Variants in NBEA observed in about 807,000 individuals in gnomAD.
NBEA encodes the protein neurobeachin.
In NBEA, 44 loss-of-function variants were observed where a neutral mutation model predicts 343.4. That is an observed-to-expected ratio of 0.13 (90% CI 0.10 to 0.16). The LOEUF (loss-of-function observed/expected upper bound fraction) is 0.16, where lower values mean the gene tolerates loss of function less well. Among genes scored for constraint, NBEA ranks in the 10% least tolerant of loss-of-function variants. The pLI, the probability that NBEA is intolerant of heterozygous loss-of-function variation, is 1.00. For synonymous variants in NBEA, 1,175 were observed against 1,238.7 expected (o/e 0.95, Z 1.08); for missense variants, 2,555 against 3,631.3 (o/e 0.70, Z 7.62).
rs557068916 is a variant in NBEA, at chr13:35,101,877, T to C, written c.1680+3472T>C. Among the ~76,000 whole-genome samples the C allele has an allele frequency of 3.3e-5, 5 of 151,942 alleles. No homozygotes were observed. In the South Asian group the frequency reaches 1.0e-3, roughly 31 times the overall value. On this transcript the variant is annotated intron_variant, in intron 11 of 58. Transcript: ENST00000379939. ...TCTTCTTTGGTGTGACTTTTCACTC[T>C]CTTAATGGTGATTTTTGATAAACAA...
At chr13:35,037,800 A>G (rs2062503033) in intron 1 of NBEA, among the ~76,000 whole-genome samples, 2 of 152,152 alleles carry the variant, frequency 1.3e-5, no homozygotes, top group African/African-American at 4.8e-5. Flanking sequence ...ACCTGAAGCA[A>G]GCACAGTGCT....
At chr13:35,623,075 TTATC>T (rs2083065984) in intron 48 of NBEA, among the ~76,000 whole-genome samples, 1 of 152,182 alleles carries the variant, frequency 6.6e-6, no homozygotes, top group African/African-American at 2.4e-5. Flanking sequence ...GGGAATTGGT[TTATC>T]TAGGCTTAAC....
chr13:35,118,307 G>C lies in NBEA; in HGVS notation c.2145+17G>C. ...ATGCATGAGGTAGGACATGTTATGG[G>C]CCTTTTATTTTAATTATTTAAGCCA... On this transcript the variant is annotated intron_variant, in intron 15 of 58. Transcript: ENST00000379939. 6.4e-7 allele frequency: 1 copy of C among 1,563,742 alleles called. No homozygotes were observed. Among genetic ancestry groups the C allele is most frequent in the Non-Finnish European group, 8.7e-7 (1 of 1,151,996 alleles).
chr13:35,064,798 G>A (rs190077020), intron 8 of NBEA, among the ~76,000 whole-genome samples: 24 of 151,898 alleles, frequency 1.6e-4, no homozygotes, highest in African/African-American at 5.5e-4. Context: ...GAAGACACAG[G>A]AAAGAAAAGG....
chr13:35,142,674 A>T (rs1037417607), intron 18 of NBEA, among the ~76,000 whole-genome samples: 2 of 152,134 alleles, frequency 1.3e-5, no homozygotes, highest in African/African-American at 4.8e-5. Context: ...ATGTAGTATT[A>T]GTTCTGCTTC....
At chr13:35,214,676 CAA>C (rs1025978955) in intron 33 of NBEA, among the ~76,000 whole-genome samples, 2 of 151,588 alleles carry the variant, frequency 1.3e-5, no homozygotes, top group Non-Finnish European at 3.0e-5. Context: ...TTGTTAATAA[CAA>C]AAGTTTCTAA....
chr13:35,566,663 G>A (rs914507844), intron 44 of NBEA, among the ~76,000 whole-genome samples: 1 of 152,142 alleles, frequency 6.6e-6, no homozygotes, highest in South Asian at 2.1e-4. Flanking sequence ...AGGAAGAGGA[G>A]AATCAATTAC....
chr13:35,052,142 A>G (rs1454891939), intron 6 of NBEA, among the ~76,000 whole-genome samples: 4 of 152,046 alleles, frequency 2.6e-5, no homozygotes, highest in Admixed American at 2.0e-4. Flanking sequence ...TTGAAAAGTC[A>G]TAAATATTTG....
chr13:35,483,877 A>T (rs1416631946), intron 41 of NBEA, among the ~76,000 whole-genome samples: 1 of 152,098 alleles, frequency 6.6e-6, no homozygotes, highest in African/African-American at 2.4e-5. Flanking sequence ...ACACACACAC[A>T]CACAAAAACA....
chr13:35,386,063 T>G lies in NBEA; in HGVS notation c.6179+33740T>G, dbSNP rs545797258. Among the ~76,000 whole-genome samples the G allele has an allele frequency of 8.5e-5, 13 of 152,208 alleles. 1 individual carries two copies. The highest frequency in any genetic ancestry group is 8.5e-4 in the Admixed American group (13 of 15,292). On this transcript the variant is annotated intron_variant, in intron 38 of 58. Transcript: ENST00000379939. ...TGAATATATAATAGAAAACCTACAA[T>G]GTTTATAAATAGATAAAATAAATAT...
chr13:35,330,390 A>C (rs758009398), intron 36 of NBEA, among the ~76,000 whole-genome samples: 1 of 152,040 alleles, frequency 6.6e-6, no homozygotes, highest in Non-Finnish European at 1.5e-5. Context: ...GACAATCGTG[A>C]GGAAAATTGA....
intron 36 of NBEA, among the ~76,000 whole-genome samples, chr13:35,323,203 C>T (rs1003789373): frequency 5.9e-5 from 9 of 152,158 alleles, no homozygotes; most frequent in Non-Finnish European, 1.3e-4. Flanking sequence ...ACCCAGCCAT[C>T]CCATTACTGG....
intron 33 of NBEA, among the ~76,000 whole-genome samples, chr13:35,225,835 C>T (rs917882240): frequency 4.6e-5 from 7 of 152,074 alleles, no homozygotes; most frequent in African/African-American, 1.7e-4. Flanking sequence ...GCAACCTCAG[C>T]TCTCTGATGA....
intron 33 of NBEA, among the ~76,000 whole-genome samples, chr13:35,221,283 G>T (rs1186154515): frequency 6.6e-6 from 1 of 151,620 alleles, no homozygotes; most frequent in Non-Finnish European, 1.5e-5. Flanking sequence ...GGCCAAGGTT[G>T]CAGTGAGCTG....
intron 36 of NBEA, among the ~76,000 whole-genome samples, chr13:35,329,084 T>C (rs141396975): frequency 3.9e-5 from 6 of 152,018 alleles, no homozygotes; most frequent in Non-Finnish European, 5.9e-5. Context: ...CCAATCACTG[T>C]ATGAAAAAAT....
chr13:35,658,999 A>T lies in NBEA; in HGVS notation c.8362+3250A>T, dbSNP rs2084945637. Among the ~76,000 whole-genome samples, 4 of 152,160 alleles carry T rather than the reference A, an allele frequency of 2.6e-5. 1 individual carries two copies. In the South Asian group the frequency reaches 8.3e-4, roughly 32 times the overall value. Reference sequence around the variant, plus strand: ...TCAGAAAACTCACAATGTGAAAGAGATTTTCTTCTGTTCCAGTTTAATCTA... The same window carrying T: ...TCAGAAAACTCACAATGTGAAAGAGTTTTTCTTCTGTTCCAGTTTAATCTA... On this transcript the variant is annotated intron_variant, in intron 55 of 58. Transcript: ENST00000379939.
At chr13:34,946,363 C>G (rs1278753064) in intron 1 of NBEA, among the ~76,000 whole-genome samples, 1 of 151,968 alleles carries the variant, frequency 6.6e-6, no homozygotes, top group African/African-American at 2.4e-5. Flanking sequence ...TAAGCTTTAT[C>G]CATATTTGAA....
intron 40 of NBEA, among the ~76,000 whole-genome samples, chr13:35,455,019 G>GT (rs1374457800): frequency 6.6e-6 from 1 of 151,826 alleles, no homozygotes; most frequent in East Asian, 1.9e-4. Context: ...AAAATCACAG[G>GT]TTTATCTTTT....
chr13:35,406,922 T>C (rs1008744906), intron 38 of NBEA, among the ~76,000 whole-genome samples: 1 of 151,738 alleles, frequency 6.6e-6, no homozygotes, highest in African/African-American at 2.4e-5. Context: ...ATACAGAACC[T>C]GACCAGATGT....
Sources: gnomAD v4.1 joint callset for allele counts (sites outside exome capture counted in the v4.1 genomes callset) on GRCh38, gnomAD v4.1.1 for gene constraint, MANE v1.5 for transcripts, NCBI Gene and HGNC (gene_info 2026-07-23, HGNC 2026-07-21) for gene names.